The following RTCA variants were observed in gnomAD, a reference collection of about 807,000 sequenced individuals.
RTCA encodes RNA terminal phosphate cyclase domain 1.
In RTCA, 37 loss-of-function variants were observed where a neutral mutation model predicts 46.1. The observed-to-expected ratio is 0.80, with a 90% CI of 0.62 to 1.06. RTCA has a LOEUF of 1.06. RTCA is among the 50% of genes least tolerant of loss of function. The pLI, the probability that RTCA is intolerant of heterozygous loss-of-function variation, is 0.00. For synonymous variants in RTCA, 164 were observed against 158.3 expected, an observed-to-expected ratio of 1.04 and a Z score of -0.27; for missense variants, 435 against 455.5, an observed-to-expected ratio of 0.95 and a Z score of 0.41.
chr1:100,283,935 G>GAAAAAAAAAAAAA (rs763030720), intron 8 of RTCA, among the ~76,000 whole-genome samples: 18 of 55,102 alleles, frequency 3.3e-4, no homozygotes, highest in Non-Finnish European at 4.0e-4. Flanking sequence ...AAAAAAAAAA[G>GAAAAAAAAAAAAA]AAAAAAAAAA....
chr1:100,268,319 TTAAG>T (rs1375597217), intron 3 of RTCA, 24 bp downstream of exon 3: 3 of 1,561,332 alleles, frequency 1.9e-6, no homozygotes, highest in Non-Finnish European at 2.6e-6. Context: ...AACATTCCAT[TTAAG>T]TAACCTGGGT....
chr1:100,287,882 C>T (rs946057956), intron 10 of RTCA, among the ~76,000 whole-genome samples: 4 of 151,566 alleles, frequency 2.6e-5, no homozygotes, highest in Admixed American at 2.0e-4. Flanking sequence ...CAACTTCTGC[C>T]TCCCAGGCTC....
chr1:100,291,712 A>G lies in RTCA; in HGVS notation c.*208A>G. 2.9e-6 allele frequency: 1 copy of G among 341,836 alleles called. No individual in the cohort carries two copies. The highest frequency in any genetic ancestry group is 4.8e-5 in the East Asian group (1 of 20,960). 21.2% of individuals were successfully genotyped at this position (341,836 alleles called of 1,614,324 possible). A position where few individuals can be genotyped will look rare whatever the true frequency, so the allele number is the denominator to read the frequency against. On this transcript the variant is annotated 3_prime_UTR_variant, in exon 11 of 11. Transcript: ENST00000370128. ...TGGACAATGAAATATCAGTTGGTGG[A>G]TATGTGTGATAGCTGATTTCAATAT...
At chr1:100,287,540 T>G (rs1380040693) in intron 10 of RTCA, among the ~76,000 whole-genome samples, 1 of 152,212 alleles carries the variant, frequency 6.6e-6, no homozygotes, top group Non-Finnish European at 1.5e-5. Flanking sequence ...CACTGTGTGG[T>G]ACTGCCTTAC....
chr1:100,270,490 A>C (rs1211457042), intron 3 of RTCA, 67 bp from the exon 4 acceptor site: 8 of 1,584,964 alleles, frequency 5.0e-6, no homozygotes, highest in African/African-American at 1.4e-5. Flanking sequence ...AATATAGCTT[A>C]TTTAAGAGTT....
rs1187268955 is a variant in RTCA at position 100,292,338 on chromosome 1, C to G, written c.*834C>G. The G allele has an allele frequency of 2.0e-5, 3 of 152,098 alleles. No homozygotes were observed. Among genetic ancestry groups the G allele is most frequent in the African/African-American group, 4.8e-5 (2 of 41,390 alleles). The allele number at this position is 152,098 out of a possible 1,614,324, so 9.4% of individuals were successfully genotyped here. On this transcript the variant is annotated 3_prime_UTR_variant, in exon 11 of 11. Transcript: ENST00000370128. ...ATTTTTTTTGAGACAGAGTCTCACT[C>G]TGTCACCAAGTTGGAGTGCAGTGGC...
rs1665763023 is a variant in RTCA, at chr1:100,266,273, A to G, written c.-103A>G. 4 of 1,442,442 alleles carry G rather than the reference A, an allele frequency of 2.8e-6. No individual in the cohort carries two copies. Among genetic ancestry groups the G allele is most frequent in the Admixed American group, 4.4e-5 (2 of 45,188 alleles). 89.4% of individuals were successfully genotyped at this position (1,442,442 alleles called of 1,614,324 possible). A position where few individuals can be genotyped will look rare whatever the true frequency, so the allele number is the denominator to read the frequency against. On this transcript the variant is annotated 5_prime_UTR_variant, in exon 1 of 11. It removes an upstream start codon present in the reference 5' UTR. Coordinates refer to ENST00000370128, the MANE Select transcript of RTCA (RefSeq NM_003729.4). ...CTCGTCAGGCTCCTGCGCCCCAGGC[A>G]TGAACCAAGGTTTCTGAACTACTGG...
intron 2 of RTCA, chr1:100,267,513 A>C: frequency 1.3e-6 from 2 of 1,545,726 alleles, no homozygotes; most frequent in Non-Finnish European, 1.8e-6. Flanking sequence ...TGGAGGCTGG[A>C]AGTCCAAGAT....
intron 2 of RTCA, chr1:100,266,911 C>A: frequency 2.2e-6 from 1 of 449,812 alleles, no homozygotes; most frequent in Non-Finnish European, 4.0e-6. Flanking sequence ...ACCGGGCATT[C>A]CAAATATCCG....
rs1667363359 is a variant in RTCA at position 100,291,755 on chromosome 1, A to G, written c.*251A>G. ...TTCAATATTGAAGTATTGAAATAAA[A>G]TATTCTTTACACCTGAAGTAAATAC... On this transcript the variant is annotated 3_prime_UTR_variant, in exon 11 of 11. Coordinates refer to ENST00000370128, the MANE Select transcript of RTCA (RefSeq NM_003729.4). The G allele has an allele frequency of 4.1e-6, 1 of 244,030 alleles. No individual in the cohort carries two copies. The highest frequency in any genetic ancestry group is 7.8e-6 in the Non-Finnish European group (1 of 128,672). 15.1% of individuals were successfully genotyped at this position (244,030 alleles called of 1,614,324 possible).
rs760749204 is a variant in RTCA at position 100,274,911 on chromosome 1, C to G, written c.561C>G (p.Gly187=). The G allele has an allele frequency of 1.2e-6, 2 of 1,613,122 alleles. No homozygotes were observed. Among genetic ancestry groups the G allele is most frequent in the South Asian group, 2.2e-5 (2 of 90,982 alleles). ...QLNPINLTER[G]CVTKIYGRAF... Reference sequence around the variant, plus strand: ...ACCCTATAAATTTAACTGAGCGTGGCTGTGTGACTAAGATATATGGAAGAG... The same window carrying G: ...ACCCTATAAATTTAACTGAGCGTGGGTGTGTGACTAAGATATATGGAAGAG... The change falls in exon 6 of 11, where the codon GGC becomes GGG. Residue 187 remains glycine, a synonymous_variant. Transcript: ENST00000370128.
At chr1:100,268,352 A>G in intron 3 of RTCA, 57 bp downstream of exon 3, 1 of 1,413,434 alleles carries the variant, frequency 7.1e-7, no homozygotes, top group Admixed American at 2.3e-5. Flanking sequence ...AGGTTTTGCC[A>G]CTTTCTGGGC....
chr1:100,271,182 A>G (rs1162715975), intron 4 of RTCA, among the ~76,000 whole-genome samples: 1 of 151,440 alleles, frequency 6.6e-6, no homozygotes, highest in African/African-American at 2.4e-5. Context: ...GGTGGCTCAC[A>G]CCTGTAATCC....
intron 7 of RTCA, 142 bp from the exon 8 acceptor site, chr1:100,277,116 T>A: frequency 1.4e-6 from 1 of 708,986 alleles, no homozygotes; most frequent in South Asian, 1.7e-5. Context: ...ATCATACCAC[T>A]CTATATGAAG....
At chr1:100,286,454 CAAAAAAAAAAAA>C (rs754851046) in intron 9 of RTCA, among the ~76,000 whole-genome samples, 1 of 45,358 alleles carries the variant, frequency 2.2e-5, no homozygotes, top group Admixed American at 2.5e-4. Context: ...GACTCCGTCT[CAAAAAAAAAAAA>C]AAAAAAAAAA....
chr1:100,291,929 CTT>C lies in RTCA; in HGVS notation c.*442_*443del, dbSNP rs34035586. The C allele has an allele frequency of 5.0e-4, 67 of 133,354 alleles. No individual in the cohort carries two copies. Among genetic ancestry groups the C allele is most frequent in the African/African-American group, 1.0e-3 (37 of 35,464 alleles). The allele number at this position is 133,354 out of a possible 1,614,324, so 8.3% of individuals were successfully genotyped here. ...TTGTTGTGACAACAATAACATTTTC[CTT>C]TTTTTTTTTTTTTTTTGAGACAGTC... On this transcript the variant is annotated 3_prime_UTR_variant, in exon 11 of 11. Coordinates refer to ENST00000370128, the MANE Select transcript of RTCA (RefSeq NM_003729.4).
intron 8 of RTCA, among the ~76,000 whole-genome samples, chr1:100,278,197 C>G (rs1448792562): frequency 1.3e-5 from 2 of 152,180 alleles, no homozygotes; most frequent in African/African-American, 2.4e-5. Context: ...TTGAGGCCAT[C>G]TGGTTATCCT....
chr1:100,267,199 G>T (rs1665829558), intron 2 of RTCA: 2 of 312,642 alleles, frequency 6.4e-6, no homozygotes, highest in Non-Finnish European at 5.8e-6. Flanking sequence ...TCAGGTACAT[G>T]CACCTGCTAG....
At position 100,275,736 on chromosome 1, in the gene RTCA, T is replaced by C. The variant is rs1666334429; in HGVS notation, c.740+13T>C. 1 of 1,599,412 alleles carries C rather than the reference T, an allele frequency of 6.3e-7. No individual in the cohort carries two copies. Among genetic ancestry groups the C allele is most frequent in the African/African-American group, 1.3e-5 (1 of 74,498 alleles). On this transcript the variant is annotated intron_variant, in intron 7 of 10. Transcript: ENST00000370128. ...GAAATGGAATAATGTGAGACAATAC[T>C]TTTTCCTACACATTAGTTGAGAACC...
Sources: gnomAD v4.1 joint callset for allele counts (sites outside exome capture counted in the v4.1 genomes callset) on GRCh38, gnomAD v4.1.1 for gene constraint, MANE v1.5 for transcripts, NCBI Gene and HGNC (gene_info 2026-07-23, HGNC 2026-07-21) for gene names.